MAST4: variants seen among roughly 807,000 people sequenced by gnomAD.
MAST4 encodes the protein microtubule associated serine/threonine kinase family member 4.
Under a neutral mutation model 162.7 loss-of-function variants are expected in MAST4, and 89 were observed. The ratio of observed to expected loss-of-function variants is 0.55; its 90% CI spans 0.46 to 0.65. The LOEUF (loss-of-function observed/expected upper bound fraction) is 0.65, where lower values mean the gene tolerates loss of function less well. Ranked by LOEUF, MAST4 falls within the 30% of genes least tolerant of loss-of-function variation. MAST4 has a pLI of 0.00. For synonymous variants in MAST4, 1,479 were observed against 1,361.1 expected (o/e 1.09, Z -1.91); for missense variants, 3,153 against 3,374.0 (o/e 0.93, Z 1.62).
intron 1 of MAST4, among the ~76,000 whole-genome samples, chr5:66,738,550 G>A (rs1580332636): frequency 6.6e-6 from 1 of 152,196 alleles, no homozygotes; most frequent in Admixed American, 6.5e-5. Context: ...TTCTAATGGG[G>A]GAGGGAGACA....
At position 66,870,568 on chromosome 5, in the gene MAST4, GTTTGTTTATAA is replaced by G. The variant is rs541580079; in HGVS notation, c.643-29381_643-29371del. Among the ~76,000 whole-genome samples the G allele has an allele frequency of 9.9e-5, 15 of 151,906 alleles. No homozygotes were observed. In the South Asian group the frequency reaches 3.1e-3, roughly 32 times the overall value. ...CTTTATTACACACTTGCACATACAA[GTTTGTTTATAA>G]TAAAATAACTTGCACATCACATGTG... On this transcript the variant is annotated intron_variant, in intron 3 of 28. Transcript: ENST00000403625.
chr5:66,884,241 G>T (rs1353987006), intron 3 of MAST4, among the ~76,000 whole-genome samples: 1 of 152,170 alleles, frequency 6.6e-6, no homozygotes, highest in Admixed American at 6.5e-5. Context: ...AAATGCTAAT[G>T]ATTGTAAAAA....
chr5:67,128,308 T>G (rs1360862643), intron 14 of MAST4, among the ~76,000 whole-genome samples: 1 of 152,064 alleles, frequency 6.6e-6, no homozygotes, highest in Non-Finnish European at 1.5e-5. Flanking sequence ...TCCTGAAGAG[T>G]ACCACCAGTC....
At chr5:66,597,146 T>C in intron 1 of MAST4, 128 bp downstream of exon 1, 1 of 1,185,378 alleles carries the variant, frequency 8.4e-7, no homozygotes, top group Non-Finnish European at 1.1e-6. Context: ...CCAAGCGCTC[T>C]GCCCCGAGCA....
At chr5:66,628,383 G>A (rs989090233) in intron 1 of MAST4, among the ~76,000 whole-genome samples, 7 of 148,630 alleles carry the variant, frequency 4.7e-5, no homozygotes, top group African/African-American at 1.7e-4. Context: ...TGTAAAATAA[G>A]GTCATTGTGA....
At chr5:67,128,215 A>G (rs868544297) in intron 14 of MAST4, among the ~76,000 whole-genome samples, 2 of 152,116 alleles carry the variant, frequency 1.3e-5, no homozygotes, top group South Asian at 4.1e-4. Flanking sequence ...ATTTGTTTAA[A>G]TTAGTTAATC....
At chr5:67,014,111 T>C (rs1314697377) in intron 4 of MAST4, among the ~76,000 whole-genome samples, 1 of 152,032 alleles carries the variant, frequency 6.6e-6, no homozygotes, top group Non-Finnish European at 1.5e-5. Context: ...TTTTTTTCCA[T>C]GTAAGGACTG....
chr5:67,108,316 A>G (rs1304226447), intron 10 of MAST4, among the ~76,000 whole-genome samples: 1 of 152,210 alleles, frequency 6.6e-6, no homozygotes, highest in East Asian at 1.9e-4. Flanking sequence ...AAAGTTCAGT[A>G]TCCTTCCCAA....
chr5:66,933,077 AC>A (rs1487121423), intron 4 of MAST4, among the ~76,000 whole-genome samples: 2 of 152,332 alleles, frequency 1.3e-5, no homozygotes, highest in East Asian at 3.9e-4. Flanking sequence ...TGCCTCTTCA[AC>A]ACCTTACTTT....
intron 3 of MAST4, among the ~76,000 whole-genome samples, chr5:66,870,622 G>C (rs531604122): frequency 6.6e-6 from 1 of 152,156 alleles, no homozygotes; most frequent in Non-Finnish European, 1.5e-5. Context: ...GGGGGAGAAC[G>C]TGTCTTGTGT....
intron 1 of MAST4, among the ~76,000 whole-genome samples, chr5:66,720,083 G>A (rs560842836): frequency 5.9e-5 from 9 of 152,136 alleles, no homozygotes; most frequent in East Asian, 1.9e-4. Context: ...AAAGGCCTTC[G>A]GTAGTTCATT....
chr5:66,962,111 G>A (rs1177558276), intron 4 of MAST4, among the ~76,000 whole-genome samples: 2 of 152,112 alleles, frequency 1.3e-5, no homozygotes, highest in Non-Finnish European at 2.9e-5. Context: ...ACCATAGTAA[G>A]CCCAAATCTG....
Position 67,090,191 on chromosome 5 carries a change from T to G in MAST4, c.793T>G (p.Phe265Val), listed in dbSNP as rs765544422. The G allele has an allele frequency of 3.7e-6, 6 of 1,612,826 alleles. No homozygotes were observed. Among genetic ancestry groups the G allele is most frequent in the Non-Finnish European group, 8.5e-7 (1 of 1,179,312 alleles). Residue 265 changes from phenylalanine (F) to valine (V), a missense_variant, in exon 6 of 29, where the codon TTC becomes GTC. Coordinates refer to ENST00000403625, the MANE Select transcript of MAST4 (RefSeq NM_001164664.2). ...GNSPQDSPRN[F>V]SPSASAHFSF... is the part of the protein sequence containing the mutation. ...TAGCCCTCAAGATAGTCCAAGAAATTTCTCCCCCAGTGCCTCAGCCCATTT... is the reference window on the plus strand; with the variant it reads ...TAGCCCTCAAGATAGTCCAAGAAATGTCTCCCCCAGTGCCTCAGCCCATTT...
intron 5 of MAST4, among the ~76,000 whole-genome samples, chr5:67,069,087 A>G (rs1050927196): frequency 6.6e-6 from 1 of 152,000 alleles, no homozygotes; most frequent in African/African-American, 2.4e-5. Flanking sequence ...TCCATGTATT[A>G]AGGTATCAGA....
chr5:66,633,696 G>C (rs1744925328), intron 1 of MAST4, among the ~76,000 whole-genome samples: 1 of 152,118 alleles, frequency 6.6e-6, no homozygotes, highest in Non-Finnish European at 1.5e-5. Context: ...TGGGGGCTAG[G>C]TTTGTTTGTT....
At chr5:66,692,504 G>C (rs71632580) in intron 1 of MAST4, among the ~76,000 whole-genome samples, 16,833 of 151,622 alleles carry the variant, frequency 0.11, 1,010 homozygotes, top group Admixed American at 0.16. Flanking sequence ...TCCATCCCTG[G>C]GAGATGAACC....
intron 1 of MAST4, among the ~76,000 whole-genome samples, chr5:66,756,515 A>C (rs1453923500): frequency 2.0e-5 from 3 of 152,214 alleles, no homozygotes; most frequent in Non-Finnish European, 4.4e-5. Flanking sequence ...TGTAGTATGA[A>C]GACTTTGGGA....
chr5:66,857,243 G>A (rs1445915633), intron 3 of MAST4, among the ~76,000 whole-genome samples: 2 of 152,148 alleles, frequency 1.3e-5, no homozygotes, highest in Admixed American at 1.3e-4. Flanking sequence ...TTCATTTTAA[G>A]TGCTGGTTAC....
At chr5:66,988,052 C>G (rs1267518658) in intron 4 of MAST4, among the ~76,000 whole-genome samples, 1 of 152,176 alleles carries the variant, frequency 6.6e-6, no homozygotes, top group East Asian at 1.9e-4. Flanking sequence ...TGGCCTAAAG[C>G]TGACTTTTCA....
Sources: gnomAD v4.1 joint callset for allele counts (sites outside exome capture counted in the v4.1 genomes callset) on GRCh38, gnomAD v4.1.1 for gene constraint, MANE v1.5 for transcripts, NCBI Gene and HGNC (gene_info 2026-07-23, HGNC 2026-07-21) for gene names.